The following CADM2 variants were observed in gnomAD, a reference collection of about 807,000 sequenced individuals.
CADM2 encodes cell adhesion molecule 2.
In CADM2, 12 loss-of-function variants were observed where a neutral mutation model predicts 49.8. That is an observed-to-expected ratio of 0.24 (90% CI 0.15 to 0.39). The LOEUF (loss-of-function observed/expected upper bound fraction) is 0.39, where lower values mean the gene tolerates loss of function less well. CADM2 is among the 10% of genes least tolerant of loss of function. CADM2 has a pLI of 1.00. For missense variants in CADM2, 378 were observed against 492.3 expected (o/e 0.77, Z 2.20); for synonymous variants, 214 against 175.4 (o/e 1.22, Z -1.74).
chr3:85,029,860 C>T (rs2034901508), intron 1 of CADM2, among the ~76,000 whole-genome samples: 1 of 152,168 alleles, frequency 6.6e-6, no homozygotes, highest in African/African-American at 2.4e-5. Context: ...TTCAATAGGA[C>T]ATTTCTCATG....
intron 1 of CADM2, among the ~76,000 whole-genome samples, chr3:85,206,959 C>T (rs909139247): frequency 4.9e-5 from 7 of 143,174 alleles, no homozygotes; most frequent in Non-Finnish European, 8.9e-5. Flanking sequence ...ATATTTAAGG[C>T]CATAACCTCC....
rs149428200 is a variant in CADM2 at position 85,385,330 on chromosome 3, AT to A, written c.62-341191del. On this transcript the variant is annotated intron_variant, in intron 1 of 9. Coordinates refer to ENST00000383699, the MANE Select transcript of CADM2 (RefSeq NM_001167675.2). ...GCTGAATTTTTCAAAACAGAAAAAA[AT>A]ATATGTTGTTTGGGAGGAGAGTGAG... Among the ~76,000 whole-genome samples the A allele has an allele frequency of 8.3e-3, 1,262 of 152,318 alleles. 15 individuals are homozygous for A. Among genetic ancestry groups the A allele is most frequent in the African/African-American group, 0.029 (1,202 of 41,572 alleles).
At chr3:85,728,488 C>T (rs1027828100) in intron 2 of CADM2, among the ~76,000 whole-genome samples, 1 of 151,868 alleles carries the variant, frequency 6.6e-6, no homozygotes, top group African/African-American at 2.4e-5. Flanking sequence ...GAAAGAATTA[C>T]TCAGTGATTT....
intron 8 of CADM2, among the ~76,000 whole-genome samples, chr3:86,024,080 G>A (rs751093079): frequency 2.0e-5 from 3 of 152,062 alleles, no homozygotes; most frequent in South Asian, 2.1e-4. Flanking sequence ...CAACTGAATC[G>A]CATTAATATG....
At chr3:85,128,175 A>G (rs544749058) in intron 1 of CADM2, among the ~76,000 whole-genome samples, 2 of 152,198 alleles carry the variant, frequency 1.3e-5, no homozygotes, top group Non-Finnish European at 2.9e-5. Context: ...CCACAACTCT[A>G]TTAAACAGAA....
intron 8 of CADM2, among the ~76,000 whole-genome samples, chr3:86,064,340 T>A (rs1020415698): frequency 1.3e-5 from 2 of 152,122 alleles, no homozygotes; most frequent in Non-Finnish European, 2.9e-5. Context: ...TTGCTGAGAA[T>A]GATGGTTTCC....
At chr3:85,490,867 C>T (rs1001021247) in intron 1 of CADM2, among the ~76,000 whole-genome samples, 2 of 150,262 alleles carry the variant, frequency 1.3e-5, no homozygotes, top group Non-Finnish European at 3.0e-5. Context: ...AAAAGTAGTA[C>T]AAATATTCTT....
intron 1 of CADM2, among the ~76,000 whole-genome samples, chr3:85,013,163 A>G (rs2034079208): frequency 6.6e-6 from 1 of 151,606 alleles, no homozygotes; most frequent in Non-Finnish European, 1.5e-5. Flanking sequence ...AAAAAATACC[A>G]AATTATGGAG....
chr3:85,010,855 T>TTTTC (rs1419245417), intron 1 of CADM2, among the ~76,000 whole-genome samples: 18 of 105,112 alleles, frequency 1.7e-4, no homozygotes, highest in African/African-American at 6.7e-4. Context: ...TTATGTCTTT[T>TTTTC]TTTTTTTTTT....
intron 1 of CADM2, among the ~76,000 whole-genome samples, chr3:85,319,087 AAAAG>A (rs2044538680): frequency 6.6e-6 from 1 of 152,202 alleles, no homozygotes; most frequent in African/African-American, 2.4e-5. Context: ...CAAAAGGTAA[AAAAG>A]AAAAATTAGA....
intron 1 of CADM2, among the ~76,000 whole-genome samples, chr3:85,487,088 T>TC (rs915550002): frequency 1.3e-5 from 2 of 152,176 alleles, no homozygotes; most frequent in Non-Finnish European, 2.9e-5. Flanking sequence ...TCTTTCCATT[T>TC]CCCCCAATAC....
intron 1 of CADM2, among the ~76,000 whole-genome samples, chr3:85,237,310 C>G (rs544818996): frequency 4.0e-5 from 6 of 151,678 alleles, no homozygotes; most frequent in African/African-American, 1.4e-4. Context: ...GTGTCAGAGG[C>G]ATGTATTCAG....
intron 1 of CADM2, among the ~76,000 whole-genome samples, chr3:85,359,666 A>ATATTTTTTTTTTTTTT: frequency 3.8e-5 from 1 of 26,542 alleles, no homozygotes. Context: ...ATATATATAT[A>ATATTTTTTTTTTTTTT]TTTTTTTTTT....
intron 1 of CADM2, among the ~76,000 whole-genome samples, chr3:85,309,130 G>T (rs1021501594): frequency 1.3e-5 from 2 of 152,038 alleles, no homozygotes; most frequent in South Asian, 2.1e-4. Flanking sequence ...ATGGTAAAGG[G>T]CTCTAAGGGT....
intron 1 of CADM2, among the ~76,000 whole-genome samples, chr3:85,214,219 T>C (rs1322323814): frequency 6.6e-6 from 1 of 152,130 alleles, no homozygotes; most frequent in Non-Finnish European, 1.5e-5. Context: ...GTCTTGGTGG[T>C]AAGATATGGA....
At chr3:85,608,658 A>G (rs918757255) in intron 1 of CADM2, among the ~76,000 whole-genome samples, 3 of 152,140 alleles carry the variant, frequency 2.0e-5, no homozygotes, top group African/African-American at 7.2e-5. Flanking sequence ...TATTTAAGAG[A>G]CTTCAAGGCT....
At position 85,545,290 on chromosome 3, in the gene CADM2, A is replaced by ACT. The variant is rs546616245; in HGVS notation, c.62-181231_62-181230dup. On this transcript the variant is annotated intron_variant, in intron 1 of 9. Transcript: ENST00000383699. ...GAAGTGTAAAAAAACAATTGTAATG[A>ACT]CTATTTTTTGGGCTCTTACTATGTT... Among the ~76,000 whole-genome samples the ACT allele has an allele frequency of 7.2e-5, 11 of 152,288 alleles. No individual in the cohort carries two copies. In the East Asian group the frequency reaches 2.1e-3, roughly 29 times the overall value.
intron 1 of CADM2, among the ~76,000 whole-genome samples, chr3:85,467,591 A>C (rs1472607246): frequency 6.6e-6 from 1 of 151,580 alleles, no homozygotes; most frequent in Non-Finnish European, 1.5e-5. Flanking sequence ...ACTACAGGAC[A>C]TAAAAATTAA....
intron 1 of CADM2, among the ~76,000 whole-genome samples, chr3:85,064,301 C>A (rs74615078): frequency 1.3e-5 from 2 of 152,192 alleles, no homozygotes; most frequent in South Asian, 2.1e-4. Context: ...AATATTGGAA[C>A]ACATATTCTA....
Sources: allele counts gnomAD v4.1 joint callset (sites outside exome capture counted in the v4.1 genomes callset), GRCh38; gene constraint gnomAD v4.1.1; transcripts MANE v1.5; gene names NCBI Gene and HGNC (gene_info 2026-07-23, HGNC 2026-07-21).